STK4: variants seen among roughly 807,000 people sequenced by gnomAD.
STK4 encodes serine/threonine-protein kinase 4.
STK4 carries 30 observed loss-of-function variants against 64.9 expected under a neutral mutation model. The observed-to-expected ratio is 0.46, with a 90% CI of 0.35 to 0.63. The LOEUF (loss-of-function observed/expected upper bound fraction) is 0.63. Among genes scored for constraint, STK4 ranks in the 20% least tolerant of loss-of-function variants. The pLI is 0.01. For synonymous variants in STK4, 177 were observed against 199.0 expected (o/e 0.89, Z 0.93); for missense variants, 466 against 598.5 (o/e 0.78, Z 2.31).
intron 5 of STK4, among the ~76,000 whole-genome samples, chr20:44,989,840 T>TAGGGTGCTTAGCTGCTTCTTAACTC (rs2067600502): frequency 6.6e-6 from 1 of 152,228 alleles, no homozygotes; most frequent in South Asian, 2.1e-4. Context: ...AAAGACTGTT[T>TAGGGTGCTTAGCTGCTTCTTAACTC]TTTCTTTGTT....
chr20:44,983,374 G>A (rs768038751), intron 4 of STK4, among the ~76,000 whole-genome samples: 4 of 152,178 alleles, frequency 2.6e-5, no homozygotes, highest in Non-Finnish European at 5.9e-5. Flanking sequence ...AGGCTGAGGC[G>A]GAGGATTGCT....
intron 4 of STK4, among the ~76,000 whole-genome samples, chr20:44,984,648 T>C (rs1464391462): frequency 1.3e-5 from 2 of 152,242 alleles, no homozygotes; most frequent in African/African-American, 2.4e-5. Context: ...ATATAAATTA[T>C]ACACCAGAGT....
At chr20:45,023,629 G>T (rs2068288405) in intron 9 of STK4, among the ~76,000 whole-genome samples, 1 of 152,122 alleles carries the variant, frequency 6.6e-6, no homozygotes, top group Admixed American at 6.6e-5. Context: ...CTTTGAAACA[G>T]GTACATTCAG....
At chr20:45,071,760 T>G (rs1322809925) in intron 10 of STK4, among the ~76,000 whole-genome samples, 1 of 152,178 alleles carries the variant, frequency 6.6e-6, no homozygotes, top group East Asian at 1.9e-4. Flanking sequence ...TATTTTAGTT[T>G]ATTTTTATTA....
chr20:45,005,910 A>G (rs907485776), intron 9 of STK4, among the ~76,000 whole-genome samples: 2 of 151,090 alleles, frequency 1.3e-5, no homozygotes, highest in South Asian at 2.1e-4. Flanking sequence ...TTCTAAGTGG[A>G]CTCTTATTTT....
Position 44,972,097 on chromosome 20 carries a change from G to A in STK4, c.55G>A (p.Glu19Lys), listed in dbSNP as rs1285494085. Reference sequence around the variant, plus strand: ...TCACAGGCAGCTGAAAAAGTTGGATGAAGATAGTTTAACCAAACAACCAGA... The same window carrying A: ...TCACAGGCAGCTGAAAAAGTTGGATAAAGATAGTTTAACCAAACAACCAGA... The part of the protein sequence containing the change: ...PPRRQLKKLD[E>K]DSLTKQPEEV... Residue 19 changes from glutamate to lysine, a missense_variant, in exon 2 of 11, where the codon GAA becomes AAA. Around this residue, in one of 2 missense-constraint regions of STK4, gnomAD observed 190 missense variants for 289.7 expected, o/e 0.66. Transcript: ENST00000372806. 6.2e-7 allele frequency: 1 copy of A among 1,613,860 alleles called. No individual in the cohort carries two copies. Among genetic ancestry groups the A allele is most frequent in the African/African-American group, 1.3e-5 (1 of 74,922 alleles).
At chr20:45,051,357 AG>A (rs1473491128) in intron 10 of STK4, among the ~76,000 whole-genome samples, 1 of 152,002 alleles carries the variant, frequency 6.6e-6, no homozygotes, top group African/African-American at 2.4e-5. Context: ...TTTTCTCTTT[AG>A]TTTCTTTCTT....
chr20:44,996,715 G>C (rs1023426806), intron 6 of STK4, among the ~76,000 whole-genome samples: 3 of 152,066 alleles, frequency 2.0e-5, no homozygotes, highest in African/African-American at 7.2e-5. Context: ...GGAAGTTAAT[G>C]ACCCCATTGT....
intron 10 of STK4, among the ~76,000 whole-genome samples, chr20:45,057,224 G>A (rs147985424): frequency 1.3e-5 from 2 of 152,328 alleles, no homozygotes; most frequent in African/African-American, 4.8e-5. Context: ...CATCTCCCAT[G>A]CTGGACACTT....
chr20:44,995,493 C>T (rs1489183444), intron 6 of STK4, among the ~76,000 whole-genome samples: 1 of 150,006 alleles, frequency 6.7e-6, no homozygotes, highest in African/African-American at 2.5e-5. Flanking sequence ...GTAATCCCAG[C>T]TGCTTGGGAG....
At chr20:45,070,332 C>T (rs533396135) in intron 10 of STK4, among the ~76,000 whole-genome samples, 1 of 152,236 alleles carries the variant, frequency 6.6e-6, no homozygotes, top group East Asian at 1.9e-4. Context: ...TGATGGCAGC[C>T]TGGACCAAGG....
intron 10 of STK4, among the ~76,000 whole-genome samples, chr20:45,074,674 G>A (rs1459917536): frequency 1.3e-5 from 2 of 152,142 alleles, no homozygotes; most frequent in Non-Finnish European, 2.9e-5. Flanking sequence ...CATACAGCAA[G>A]TTACTGTTAT....
intron 10 of STK4, among the ~76,000 whole-genome samples, chr20:45,049,663 ATGG>A (rs2068748016): frequency 6.6e-6 from 1 of 152,240 alleles, no homozygotes; most frequent in South Asian, 2.1e-4. Flanking sequence ...ATGTTTAACA[ATGG>A]TACTGTGAAT....
intron 5 of STK4, among the ~76,000 whole-genome samples, chr20:44,989,485 TTATA>T (rs1374231997): frequency 6.6e-6 from 1 of 152,096 alleles, no homozygotes; most frequent in African/African-American, 2.4e-5. Context: ...TAAGAGTTCT[TTATA>T]TATTTTAGAT....
intron 9 of STK4, among the ~76,000 whole-genome samples, chr20:45,015,777 G>T (rs562772441): frequency 6.6e-6 from 1 of 152,168 alleles, no homozygotes; most frequent in African/African-American, 2.4e-5. Context: ...AAAAAATGGG[G>T]CACCAAAGTT....
chr20:45,032,110 A>G (rs371206477), intron 10 of STK4, among the ~76,000 whole-genome samples: 11 of 152,320 alleles, frequency 7.2e-5, no homozygotes, highest in African/African-American at 2.6e-4. Flanking sequence ...CAAGAAGTTA[A>G]TCAAGAAGAC....
At chr20:45,060,890 C>G (rs1978935936) in intron 10 of STK4, among the ~76,000 whole-genome samples, 1 of 152,116 alleles carries the variant, frequency 6.6e-6, no homozygotes, top group South Asian at 2.1e-4. Flanking sequence ...CTTTTTTTGT[C>G]CCATACCCAC....
intron 2 of STK4, chr20:44,972,871 T>C (rs2067273429): frequency 6.6e-6 from 1 of 151,486 alleles, no homozygotes; most frequent in Non-Finnish European, 1.5e-5. Context: ...AATCATATGA[T>C]TCAAAATTTA....
intron 4 of STK4, among the ~76,000 whole-genome samples, chr20:44,984,164 C>T (rs1434858110): frequency 7.9e-6 from 1 of 127,152 alleles, no homozygotes; most frequent in African/African-American, 3.0e-5. Context: ...TTACTAAGTG[C>T]TGGTTTTTTG....
Sources: allele counts gnomAD v4.1 joint callset (sites outside exome capture counted in the v4.1 genomes callset), GRCh38; gene constraint gnomAD v4.1.1; regional missense constraint gnomAD v4.1.1; transcripts MANE v1.5; gene names NCBI Gene and HGNC (gene_info 2026-07-23, HGNC 2026-07-21).